Variants in ABCC9 observed in about 807,000 individuals in gnomAD.
The protein encoded by ABCC9 is ATP-binding cassette sub-family C member 9.
Under a neutral mutation model 188.3 loss-of-function variants are expected in ABCC9, and 95 were observed. The ratio of observed to expected loss-of-function variants is 0.50; its 90% CI spans 0.43 to 0.60. The LOEUF is 0.60. Among genes scored for constraint, ABCC9 ranks in the 20% least tolerant of loss-of-function variants. ABCC9 has a pLI of 0.00. For missense variants in ABCC9, 1,102 were observed against 1,876.3 expected, an observed-to-expected ratio of 0.59 and a Z score of 7.62; for synonymous variants, 659 against 652.7, an observed-to-expected ratio of 1.01 and a Z score of -0.15.
chr12:21,850,336 G>A (rs1278891322), intron 24 of ABCC9, among the ~76,000 whole-genome samples: 2 of 152,018 alleles, frequency 1.3e-5, no homozygotes, highest in Non-Finnish European at 2.9e-5. Context: ...TAGTGGTCTT[G>A]TTCACAGTGT....
chr12:21,874,647 G>GTA (rs1212413887), intron 17 of ABCC9, among the ~76,000 whole-genome samples: 1 of 152,008 alleles, frequency 6.6e-6, no homozygotes, highest in African/African-American at 2.4e-5. Context: ...AGAAAATGTG[G>GTA]TATATATATG....
chr12:21,872,432 C>T lies in ABCC9; in HGVS notation c.2198+193G>A, dbSNP rs7980353. On this transcript the variant is annotated intron_variant, in intron 18 of 39. Coordinates refer to ENST00000261200, the MANE Select transcript of ABCC9 (RefSeq NM_020297.4). ...TACTAGTTTATACTATTATAAACAA[C>T]CTTTGTAATAAATTGTTTTGTAACT... Among the ~76,000 whole-genome samples the T allele has an allele frequency of 3.9e-5, 6 of 152,176 alleles. No individual in the cohort carries two copies. The East Asian group carries it at 1.2e-3, about 29-fold the overall frequency.
At chr12:21,909,114 G>T (rs945084972) in intron 10 of ABCC9, among the ~76,000 whole-genome samples, 8 of 151,786 alleles carry the variant, frequency 5.3e-5, no homozygotes, top group Middle Eastern at 3.4e-3. Flanking sequence ...ATTCCTTAAG[G>T]TCACCCATGA....
chr12:21,864,322 T>C, intron 19 of ABCC9, 117 bp downstream of exon 19: 1 of 802,210 alleles, frequency 1.2e-6, no homozygotes. Context: ...GGAAATATGC[T>C]AGCACACTTT....
chr12:21,846,150 C>T (rs570340103), intron 25 of ABCC9, among the ~76,000 whole-genome samples: 2 of 152,252 alleles, frequency 1.3e-5, no homozygotes, highest in African/African-American at 2.4e-5. Context: ...AACCACATAC[C>T]TGGCTTACAA....
rs4148664 is a variant in ABCC9, at chr12:21,882,491, A to G, written c.2019+275T>C. Reference sequence around the variant, plus strand: ...TTTGGTTGATAAACATAGGAATACCAGAAAAAATACATGTGACACTAGCTT... The same window carrying G: ...TTTGGTTGATAAACATAGGAATACCGGAAAAAATACATGTGACACTAGCTT... On this transcript the variant is annotated intron_variant, in intron 16 of 39. Transcript: ENST00000261200. Among the ~76,000 whole-genome samples, 52,538 of 152,082 alleles carry G rather than the reference A, an allele frequency of 0.35. 9,317 individuals carry two copies. The highest frequency in any genetic ancestry group is 0.38 in the Admixed American group (5,829 of 15,288).
intron 16 of ABCC9, among the ~76,000 whole-genome samples, chr12:21,881,339 C>T (rs965343243): frequency 1.3e-5 from 2 of 152,076 alleles, no homozygotes; most frequent in African/African-American, 4.8e-5. Flanking sequence ...TTAATTTGGG[C>T]TTGAAAGTGA....
In ABCC9 at chr12:21,891,424, C is replaced by G. The variant is rs375741870; in HGVS notation, c.1802+2608G>C. Among the ~76,000 whole-genome samples, 248 of 152,218 alleles carry G rather than the reference C, an allele frequency of 1.6e-3. 2 individuals carry two copies. The South Asian group carries it at 0.032, about 20-fold the overall frequency. On this transcript the variant is annotated intron_variant, in intron 14 of 39. Transcript: ENST00000261200. ...GTGAAAGTAGACAAGAACACTTCAT[C>G]ATAAAATGTCCAGAAAAATCAAATG...
intron 3 of ABCC9, 109 bp downstream of exon 3, chr12:21,936,424 G>T: frequency 2.1e-6 from 2 of 940,822 alleles, no homozygotes; most frequent in Non-Finnish European, 3.2e-6. Flanking sequence ...GTTTCTCACA[G>T]CCATCAGCTT....
At position 21,804,618 on chromosome 12, in the gene ABCC9, C is replaced by T. The variant is rs527803748; in HGVS notation, c.4512+1380G>A. On this transcript the variant is annotated intron_variant, in intron 39 of 39. Transcript: ENST00000261200. ...AACCACAGAGTTCACTGGAAAAATTCGAGAAAGTAGATTTTTCTTTACTTA... is the reference window on the plus strand; with the variant it reads ...AACCACAGAGTTCACTGGAAAAATTTGAGAAAGTAGATTTTTCTTTACTTA... Among the ~76,000 whole-genome samples, 177 of 152,290 alleles carry T rather than the reference C, an allele frequency of 1.2e-3. 1 individual carries two copies. The highest frequency in any genetic ancestry group is 2.2e-3 in the Non-Finnish European group (152 of 68,028).
At chr12:21,820,288 T>TAGA (rs1369682340) in intron 31 of ABCC9, among the ~76,000 whole-genome samples, 2 of 152,060 alleles carry the variant, frequency 1.3e-5, no homozygotes, top group East Asian at 3.8e-4. Flanking sequence ...GAAATTTCTG[T>TAGA]GAGTGGTGTA....
chr12:21,839,887 A>G (rs61926068), intron 29 of ABCC9, among the ~76,000 whole-genome samples: 3,526 of 152,268 alleles, frequency 0.023, 54 homozygotes, highest in Non-Finnish European at 0.039. Flanking sequence ...ATTCGGGGAG[A>G]GAAAGATAGA....
At chr12:21,872,874 T>G in intron 17 of ABCC9, 144 bp from the exon 18 acceptor site, 2 of 636,900 alleles carry the variant, frequency 3.1e-6, no homozygotes, top group Non-Finnish European at 5.7e-6. Context: ...AACAGCTCCT[T>G]TCTCTGATAA....
At chr12:21,897,814 C>T (rs1244109451) in intron 12 of ABCC9, among the ~76,000 whole-genome samples, 1 of 151,370 alleles carries the variant, frequency 6.6e-6, no homozygotes, top group East Asian at 2.0e-4. Flanking sequence ...CTTCTTACTG[C>T]TCTCCCCTAG....
chr12:21,915,498 G>GTA (rs1338146740), intron 7 of ABCC9, among the ~76,000 whole-genome samples, 170 bp downstream of exon 7: 4 of 8,912 alleles, frequency 4.5e-4, no homozygotes, highest in African/African-American at 1.0e-3. Context: ...GTGTGTGTGT[G>GTA]TGTATATATA....
chr12:21,904,729 A>C (rs1291199637), intron 12 of ABCC9, among the ~76,000 whole-genome samples: 1 of 152,244 alleles, frequency 6.6e-6, no homozygotes, highest in Non-Finnish European at 1.5e-5. Context: ...CCACAATGAG[A>C]TACCATCTCA....
Position 21,911,037 on chromosome 12 carries a change from A to G in ABCC9, c.1012-59T>C, listed in dbSNP as rs4148654. On this transcript the variant is annotated intron_variant, in intron 8 of 39. Transcript: ENST00000261200. Reference sequence around the variant, plus strand: ...ACTCGTCTTTTTATAGACCAGGTGTACAGTTTGCATTTATTAAAAGATACA... The same window carrying G: ...ACTCGTCTTTTTATAGACCAGGTGTGCAGTTTGCATTTATTAAAAGATACA... 935,978 of 1,528,866 alleles carry G rather than the reference A, an allele frequency of 0.61. 289,033 individuals carry two copies. The highest frequency in any genetic ancestry group is 0.78 in the East Asian group (34,537 of 44,236). 94.7% of individuals were successfully genotyped at this position (1,528,866 alleles called of 1,614,324 possible).
chr12:21,874,977 TCTG>T (rs1191743723), intron 17 of ABCC9, among the ~76,000 whole-genome samples: 27 of 152,198 alleles, frequency 1.8e-4, no homozygotes, highest in Non-Finnish European at 3.7e-4. Context: ...GTTCTAGAAA[TCTG>T]CTGGTCAATA....
rs555481863 is a variant in ABCC9 at position 21,811,959 on chromosome 12, C to G, written c.4211+90G>C. On this transcript the variant is annotated intron_variant, in intron 36 of 39. Transcript: ENST00000261200. Reference sequence around the variant, plus strand: ...TTTATTGCCTTGATATCAGTTCACTCATACCTGAAAAATGACTCTGAGTAA... The same window carrying G: ...TTTATTGCCTTGATATCAGTTCACTGATACCTGAAAAATGACTCTGAGTAA... The G allele has an allele frequency of 5.5e-6, 5 of 901,514 alleles. No individual in the cohort carries two copies. In the South Asian group the frequency reaches 6.6e-5, roughly 12 times the overall value. The allele number at this position is 901,514 out of a possible 1,614,324, so 55.8% of individuals were successfully genotyped here.
Sources: gnomAD v4.1 joint callset for allele counts (sites outside exome capture counted in the v4.1 genomes callset) on GRCh38, gnomAD v4.1.1 for gene constraint, MANE v1.5 for transcripts, NCBI Gene and HGNC (gene_info 2026-07-23, HGNC 2026-07-21) for gene names.